The following CDKAL1 variants were observed in gnomAD, a reference collection of about 807,000 sequenced individuals.
CDKAL1 encodes threonylcarbamoyladenosine tRNA methylthiotransferase.
CDKAL1 carries 32 observed loss-of-function variants against 68.2 expected under a neutral mutation model. That is an observed-to-expected ratio of 0.47 (90% confidence interval 0.35 to 0.63). CDKAL1 has a LOEUF of 0.63. Ranked by LOEUF, CDKAL1 falls within the 30% of genes least tolerant of loss-of-function variation. The pLI is 0.00. For missense variants in CDKAL1, 606 were observed against 696.7 expected (o/e 0.87, Z 1.47); for synonymous variants, 234 against 244.3 (o/e 0.96, Z 0.39).
At chr6:20,740,357 A>G (rs1173755803) in intron 6 of CDKAL1, among the ~76,000 whole-genome samples, 1 of 152,112 alleles carries the variant, frequency 6.6e-6, no homozygotes, top group East Asian at 1.9e-4. Flanking sequence ...AGCTCTGTGA[A>G]GTAAGGAGAC....
At chr6:20,686,279 G>A (rs938904135) in intron 5 of CDKAL1, among the ~76,000 whole-genome samples, 34 of 152,280 alleles carry the variant, frequency 2.2e-4, no homozygotes, top group African/African-American at 8.2e-4. Context: ...TAGGAACCAG[G>A]CCGCATAGCA....
chr6:20,732,282 T>TG, intron 5 of CDKAL1, among the ~76,000 whole-genome samples: 1 of 131,970 alleles, frequency 7.6e-6, no homozygotes, highest in Non-Finnish European at 1.7e-5. Context: ...TTTTTTTTTT[T>TG]TTTGTTGTTG....
At chr6:21,184,058 A>C (rs527716798) in intron 13 of CDKAL1, among the ~76,000 whole-genome samples, 136 of 152,320 alleles carry the variant, frequency 8.9e-4, no homozygotes, top group Non-Finnish European at 1.5e-3. Context: ...ATTAAAACAG[A>C]GAACTTAAGA....
chr6:20,751,659 T>C (rs763272707), intron 6 of CDKAL1, among the ~76,000 whole-genome samples: 1 of 152,190 alleles, frequency 6.6e-6, no homozygotes, highest in Non-Finnish European at 1.5e-5. Flanking sequence ...GAATAAAATA[T>C]TTTTGTGGAT....
intron 4 of CDKAL1, among the ~76,000 whole-genome samples, chr6:20,563,558 T>C (rs551343565): frequency 1.3e-5 from 2 of 152,094 alleles, no homozygotes; most frequent in Admixed American, 6.5e-5. Context: ...TGTTGCCCAG[T>C]CTGGTCTTGA....
At chr6:20,959,395 TA>T (rs1053268162) in intron 10 of CDKAL1, among the ~76,000 whole-genome samples, 3 of 152,170 alleles carry the variant, frequency 2.0e-5, no homozygotes, top group African/African-American at 7.2e-5. Context: ...AATCAATAGA[TA>T]AAACAATAAA....
chr6:20,978,237 A>G (rs1765940299), intron 10 of CDKAL1, among the ~76,000 whole-genome samples: 2 of 152,232 alleles, frequency 1.3e-5, no homozygotes. Context: ...TTGTAAAGTC[A>G]GCTTGAAACT....
At chr6:21,196,748 G>A (rs930848874) in intron 13 of CDKAL1, among the ~76,000 whole-genome samples, 2 of 152,198 alleles carry the variant, frequency 1.3e-5, no homozygotes, top group Non-Finnish European at 2.9e-5. Flanking sequence ...TATCTTGCCA[G>A]TGGGCTTTAA....
intron 9 of CDKAL1, among the ~76,000 whole-genome samples, chr6:20,910,495 G>C (rs1762421209): frequency 6.6e-6 from 1 of 152,214 alleles, no homozygotes; most frequent in Non-Finnish European, 1.5e-5. Flanking sequence ...TCGTGGTGCA[G>C]AAGTAGCTGT....
At chr6:21,219,929 C>G (rs1367178217) in intron 15 of CDKAL1, among the ~76,000 whole-genome samples, 1 of 152,150 alleles carries the variant, frequency 6.6e-6, no homozygotes, top group Non-Finnish European at 1.5e-5. Context: ...TTCCTGTGTG[C>G]GCTGCATGGA....
At chr6:21,007,624 G>C (rs1296353475) in intron 11 of CDKAL1, among the ~76,000 whole-genome samples, 1 of 151,496 alleles carries the variant, frequency 6.6e-6, no homozygotes, top group Admixed American at 6.6e-5. Context: ...TATCGGTTAT[G>C]TGTCCAGACT....
At chr6:20,801,302 C>T (rs1487608387) in intron 8 of CDKAL1, among the ~76,000 whole-genome samples, 2 of 152,166 alleles carry the variant, frequency 1.3e-5, no homozygotes, top group Admixed American at 1.3e-4. Context: ...TAACGAGGCT[C>T]TGCAGATGAA....
intron 6 of CDKAL1, among the ~76,000 whole-genome samples, chr6:20,758,011 A>G (rs1397521584): frequency 1.3e-5 from 2 of 152,082 alleles, no homozygotes; most frequent in African/African-American, 4.8e-5. Flanking sequence ...ACTTGGTCTG[A>G]TTTTATTACC....
chr6:20,599,176 G>A (rs1284755854), intron 4 of CDKAL1, among the ~76,000 whole-genome samples: 2 of 151,770 alleles, frequency 1.3e-5, no homozygotes, highest in Non-Finnish European at 2.9e-5. Context: ...TCCTTCCAGA[G>A]TTTATACAAA....
chr6:21,002,559 T>C (rs1767482918), intron 11 of CDKAL1, among the ~76,000 whole-genome samples: 1 of 151,854 alleles, frequency 6.6e-6, no homozygotes, highest in Non-Finnish European at 1.5e-5. Context: ...CACATTTAGA[T>C]TATAAGTAAG....
intron 4 of CDKAL1, among the ~76,000 whole-genome samples, chr6:20,552,774 TCTTCA>T (rs1763885307): frequency 6.6e-6 from 1 of 152,148 alleles, no homozygotes; most frequent in Non-Finnish European, 1.5e-5. Flanking sequence ...GGGAATACTT[TCTTCA>T]CTAGTCTAGG....
chr6:20,869,182 A>G (rs183431319), intron 9 of CDKAL1, among the ~76,000 whole-genome samples: 3 of 152,278 alleles, frequency 2.0e-5, no homozygotes, highest in East Asian at 1.9e-4. Flanking sequence ...GTAATTCACA[A>G]TCTCGGCCAT....
chr6:21,212,013 A>G (rs1407078795), intron 15 of CDKAL1, among the ~76,000 whole-genome samples: 1 of 152,120 alleles, frequency 6.6e-6, no homozygotes, highest in African/African-American at 2.4e-5. Flanking sequence ...CTCCAGCCTC[A>G]GCCTCTTAGA....
intron 13 of CDKAL1, among the ~76,000 whole-genome samples, chr6:21,145,911 A>C (rs1474531658): frequency 6.6e-6 from 1 of 152,190 alleles, no homozygotes; most frequent in Non-Finnish European, 1.5e-5. Flanking sequence ...AAATAAAATA[A>C]AATTACATGG....
Sources: gnomAD v4.1 joint callset for allele counts (sites outside exome capture counted in the v4.1 genomes callset) on GRCh38, gnomAD v4.1.1 for gene constraint, MANE v1.5 for transcripts, NCBI Gene and HGNC (gene_info 2026-07-23, HGNC 2026-07-21) for gene names.